FBXL17: variants seen among roughly 807,000 people sequenced by gnomAD.
FBXL17 encodes the protein F-box and leucine rich repeat protein 17, also known as F-box/LRR-repeat protein 17.
A neutral mutation model predicts 66.2 loss-of-function variants in FBXL17; 22 were observed. That is an observed-to-expected ratio of 0.33 (90% confidence interval 0.24 to 0.47). The LOEUF (loss-of-function observed/expected upper bound fraction) is 0.47, where lower values mean the gene tolerates loss of function less well. Among genes scored for constraint, FBXL17 ranks in the 20% least tolerant of loss-of-function variants. The pLI, the probability that FBXL17 is intolerant of heterozygous loss-of-function variation, is 1.00. For missense variants in FBXL17, 878 were observed against 948.2 expected, an observed-to-expected ratio of 0.93 and a Z score of 0.97; for synonymous variants, 474 against 400.5, an observed-to-expected ratio of 1.18 and a Z score of -2.19.
At chr5:108,221,304 T>A (rs747212392) in intron 5 of FBXL17, among the ~76,000 whole-genome samples, 6 of 152,174 alleles carry the variant, frequency 3.9e-5, no homozygotes, top group African/African-American at 2.4e-5. Flanking sequence ...AATCAAGATG[T>A]CACAAATCCC....
At chr5:107,936,443 A>G (rs1281811635) in intron 7 of FBXL17, among the ~76,000 whole-genome samples, 1 of 152,112 alleles carries the variant, frequency 6.6e-6, no homozygotes, top group African/African-American at 2.4e-5. Context: ...TTTTTTAAAA[A>G]AAATTCCCAG....
At chr5:107,957,883 G>C (rs1189921802) in intron 7 of FBXL17, among the ~76,000 whole-genome samples, 1 of 152,170 alleles carries the variant, frequency 6.6e-6, no homozygotes, top group East Asian at 1.9e-4. Flanking sequence ...TCACAGAGCA[G>C]TTTTAAGATG....
In FBXL17 at chr5:107,970,342, T is replaced by A. The variant is rs550024668; in HGVS notation, c.1822+50583A>T. 3.3e-5 allele frequency among the ~76,000 whole-genome samples: 5 copies of A among 152,206 alleles called. No individual in the cohort carries two copies. In the East Asian group the frequency reaches 7.7e-4, roughly 24 times the overall value. On this transcript the variant is annotated intron_variant, in intron 7 of 8. Coordinates refer to ENST00000542267, the MANE Select transcript of FBXL17 (RefSeq NM_001163315.3). ...AACACTTGAATTAGATGAAAAAAAA[T>A]GACCACCACATTGCATATACAGCAA...
intron 7 of FBXL17, among the ~76,000 whole-genome samples, chr5:107,997,766 G>C (rs914692455): frequency 3.3e-5 from 5 of 152,170 alleles, no homozygotes; most frequent in African/African-American, 1.2e-4. Flanking sequence ...AGAAGGATGA[G>C]GTAGGAGGTG....
rs1317627226 is a variant in FBXL17 at position 108,009,280 on chromosome 5, T to TAGATATAGATAG, written c.1822+11644_1822+11645insCTATCTATATCT. On this transcript the variant is annotated intron_variant, in intron 7 of 8. Coordinates refer to ENST00000542267, the MANE Select transcript of FBXL17 (RefSeq NM_001163315.3). ...CCTGTTTTATATATATATATATATA[T>TAGATATAGATAG]ATATATATATATATATATATACATA... 8.8e-5 allele frequency among the ~76,000 whole-genome samples: 2 copies of TAGATATAGATAG among 22,722 alleles called. 1 individual carries two copies. Among genetic ancestry groups the TAGATATAGATAG allele is most frequent in the African/African-American group, 3.2e-4 (2 of 6,348 alleles). 14.9% of individuals were successfully genotyped at this position (22,722 alleles called of 152,430 possible).
intron 6 of FBXL17, among the ~76,000 whole-genome samples, chr5:108,037,232 T>A (rs532362694): frequency 6.6e-6 from 1 of 152,308 alleles, no homozygotes; most frequent in Admixed American, 6.5e-5. Context: ...ATTATGGGTA[T>A]TGAAAATTAT....
chr5:107,985,277 C>A (rs2112679602), intron 7 of FBXL17, among the ~76,000 whole-genome samples: 1 of 152,290 alleles, frequency 6.6e-6, no homozygotes, highest in African/African-American at 2.4e-5. Context: ...GATCCTATTT[C>A]AGTTTTTGAA....
intron 7 of FBXL17, among the ~76,000 whole-genome samples, chr5:108,002,820 C>T (rs1399278281): frequency 1.3e-5 from 2 of 152,154 alleles, no homozygotes; most frequent in African/African-American, 2.4e-5. Context: ...CAGAAGACCA[C>T]ATCTTGTTTG....
intron 7 of FBXL17, among the ~76,000 whole-genome samples, chr5:108,013,261 T>G (rs1004061012): frequency 1.3e-5 from 2 of 152,160 alleles, no homozygotes; most frequent in African/African-American, 2.4e-5. Flanking sequence ...GAATGCTGAA[T>G]AAGACAGGAA....
chr5:108,184,626 C>T (rs1243559208), intron 6 of FBXL17, among the ~76,000 whole-genome samples: 1 of 151,138 alleles, frequency 6.6e-6, no homozygotes, highest in African/African-American at 2.4e-5. Context: ...CACTTGTAAT[C>T]CCAGTTACTA....
At chr5:107,938,035 T>A (rs943167385) in intron 7 of FBXL17, among the ~76,000 whole-genome samples, 5 of 152,134 alleles carry the variant, frequency 3.3e-5, no homozygotes, top group African/African-American at 1.2e-4. Context: ...TGAGTAATAC[T>A]TTAAATAACA....
chr5:107,953,455 A>G (rs1751566480), intron 7 of FBXL17, among the ~76,000 whole-genome samples: 1 of 151,802 alleles, frequency 6.6e-6, no homozygotes, highest in Non-Finnish European at 1.5e-5. Context: ...TTGCTTGACT[A>G]AATTTACCCA....
At chr5:108,055,865 A>T (rs1401483224) in intron 6 of FBXL17, among the ~76,000 whole-genome samples, 1 of 152,012 alleles carries the variant, frequency 6.6e-6, no homozygotes, top group Non-Finnish European at 1.5e-5. Flanking sequence ...AAGAAAAAAA[A>T]GTCTAGTCCT....
chr5:108,329,181 C>G (rs962346899), intron 4 of FBXL17, among the ~76,000 whole-genome samples: 2 of 151,882 alleles, frequency 1.3e-5, no homozygotes, highest in African/African-American at 4.8e-5. Flanking sequence ...ATAAACCCTA[C>G]AGGAGAAACA....
intron 3 of FBXL17, among the ~76,000 whole-genome samples, chr5:108,361,962 T>C (rs1748369169): frequency 6.6e-6 from 1 of 152,140 alleles, no homozygotes; most frequent in Non-Finnish European, 1.5e-5. Context: ...CACAGGCAAG[T>C]AAAAAACCCA....
intron 7 of FBXL17, among the ~76,000 whole-genome samples, chr5:107,939,832 G>A (rs2112587572): frequency 6.6e-6 from 1 of 152,204 alleles, no homozygotes; most frequent in African/African-American, 2.4e-5. Flanking sequence ...GAAGGCCCTG[G>A]AAGAGAAGAC....
intron 6 of FBXL17, among the ~76,000 whole-genome samples, chr5:108,045,104 T>C (rs1350323351): frequency 6.6e-6 from 1 of 152,142 alleles, no homozygotes. Context: ...ATTGACTTTG[T>C]TGTTTACTGT....
intron 4 of FBXL17, among the ~76,000 whole-genome samples, chr5:108,246,732 T>C (rs1441454286): frequency 6.6e-6 from 1 of 152,186 alleles, no homozygotes; most frequent in Admixed American, 6.5e-5. Flanking sequence ...TCACATAATA[T>C]AAACTTGGTA....
chr5:108,240,975 G>A lies in FBXL17; in HGVS notation c.1507-16747C>T, dbSNP rs576485439. On this transcript the variant is annotated intron_variant, in intron 4 of 8. Coordinates refer to ENST00000542267, the MANE Select transcript of FBXL17 (RefSeq NM_001163315.3). ...AGATCTTATCCAAGACCACCAAGCCGGTACACCTCTATGCAAGAGCCACGG... is the reference window on the plus strand; with the variant it reads ...AGATCTTATCCAAGACCACCAAGCCAGTACACCTCTATGCAAGAGCCACGG... Among the ~76,000 whole-genome samples the A allele has an allele frequency of 5.3e-5, 8 of 152,228 alleles. No individual in the cohort carries two copies. In the East Asian group the frequency reaches 9.7e-4, roughly 18 times the overall value.
Sources: allele counts gnomAD v4.1 joint callset (sites outside exome capture counted in the v4.1 genomes callset), GRCh38; gene constraint gnomAD v4.1.1; transcripts MANE v1.5; gene names NCBI Gene and HGNC (gene_info 2026-07-23, HGNC 2026-07-21).